THRB: variants seen among roughly 807,000 people sequenced by gnomAD.
THRB encodes thyroid hormone receptor beta.
In THRB, 12 loss-of-function variants were observed where a neutral mutation model predicts 47.8. The ratio of observed to expected loss-of-function variants is 0.25; its 90% CI spans 0.16 to 0.41. The LOEUF is 0.41. Among genes scored for constraint, THRB ranks in the 10% least tolerant of loss-of-function variants. THRB has a pLI of 1.00. For synonymous variants in THRB, 218 were observed against 212.2 expected, an observed-to-expected ratio of 1.03 and a Z score of -0.24; for missense variants, 348 against 589.2, an observed-to-expected ratio of 0.59 and a Z score of 4.24.
At position 24,305,215 on chromosome 3, in the gene THRB, C is replaced by T. The variant is rs913107955; in HGVS notation, c.-188-7844G>A. ...CATCAGCATCAGCATCATATGGGACCTTGTTAGAAAGGCAGATTATCTGTC... is the reference window on the plus strand; with the variant it reads ...CATCAGCATCAGCATCATATGGGACTTTGTTAGAAAGGCAGATTATCTGTC... On this transcript the variant is annotated intron_variant, in intron 2 of 10. Coordinates refer to ENST00000646209, the MANE Select transcript of THRB (RefSeq NM_001354712.2). Among the ~76,000 whole-genome samples, 22 of 152,256 alleles carry T rather than the reference C, an allele frequency of 1.4e-4. No homozygotes were observed. In the Middle Eastern group the frequency reaches 0.01, roughly 71 times the overall value.
intron 1 of THRB, among the ~76,000 whole-genome samples, chr3:24,414,437 C>T (rs754998891): frequency 6.6e-6 from 1 of 151,798 alleles, no homozygotes; most frequent in African/African-American, 2.4e-5. Flanking sequence ...GTGTTAAAAG[C>T]TCTACAATAC....
intron 2 of THRB, among the ~76,000 whole-genome samples, chr3:24,333,061 G>A (rs1403516010): frequency 6.6e-6 from 1 of 152,120 alleles, no homozygotes. Flanking sequence ...TCCAGCCTGG[G>A]TGACAGAGCG....
intron 3 of THRB, among the ~76,000 whole-genome samples, chr3:24,280,890 A>G (rs1168652795): frequency 1.3e-5 from 2 of 152,308 alleles, no homozygotes; most frequent in Non-Finnish European, 2.9e-5. Flanking sequence ...TTAGAGAAAA[A>G]GGAATAAAAA....
intron 1 of THRB, among the ~76,000 whole-genome samples, chr3:24,355,862 C>G (rs1346151327): frequency 6.6e-6 from 1 of 152,088 alleles, no homozygotes; most frequent in African/African-American, 2.4e-5. Flanking sequence ...CATGGAAACT[C>G]CTACAAATTA....
chr3:24,398,951 C>T (rs2067188089), intron 1 of THRB, among the ~76,000 whole-genome samples: 1 of 151,948 alleles, frequency 6.6e-6, no homozygotes, highest in African/African-American at 2.4e-5. Context: ...AGCTGGATAC[C>T]ATCATTCTCA....
chr3:24,322,006 T>A (rs1287759031), intron 2 of THRB, among the ~76,000 whole-genome samples: 1 of 152,096 alleles, frequency 6.6e-6, no homozygotes, highest in Non-Finnish European at 1.5e-5. Context: ...ATTACAGATG[T>A]GAGTTGGATT....
chr3:24,220,018 AT>A (rs972657193), intron 4 of THRB, among the ~76,000 whole-genome samples: 1 of 152,194 alleles, frequency 6.6e-6, no homozygotes, highest in Non-Finnish European at 1.5e-5. Flanking sequence ...AGACACTGGT[AT>A]TTTTTAACAG....
chr3:24,312,939 A>G (rs1173232225), intron 2 of THRB, among the ~76,000 whole-genome samples: 1 of 152,204 alleles, frequency 6.6e-6, no homozygotes, highest in African/African-American at 2.4e-5. Context: ...AAACATTTCA[A>G]AGGGAGGATG....
chr3:24,149,605 T>G (rs1282009806), intron 6 of THRB, among the ~76,000 whole-genome samples: 1 of 152,260 alleles, frequency 6.6e-6, no homozygotes, highest in Non-Finnish European at 1.5e-5. Context: ...GGCCTATCTC[T>G]GATGACTTGT....
At chr3:24,160,018 G>A (rs2038542987) in intron 5 of THRB, among the ~76,000 whole-genome samples, 1 of 152,200 alleles carries the variant, frequency 6.6e-6, no homozygotes, top group Non-Finnish European at 1.5e-5. Flanking sequence ...TGGGAGCGGG[G>A]GTGATGAGAG....
intron 5 of THRB, among the ~76,000 whole-genome samples, chr3:24,184,126 A>G (rs959978026): frequency 6.6e-6 from 1 of 152,228 alleles, no homozygotes; most frequent in Admixed American, 6.5e-5. Context: ...ATGCATGCTT[A>G]CTTTCAATAA....
chr3:24,222,674 T>G (rs140522480), intron 4 of THRB, among the ~76,000 whole-genome samples: 6 of 152,290 alleles, frequency 3.9e-5, no homozygotes, highest in Non-Finnish European at 7.4e-5. Context: ...GATGCTTCCT[T>G]TCTAGCCTAC....
intron 1 of THRB, among the ~76,000 whole-genome samples, chr3:24,489,829 A>C (rs528481562): frequency 2.7e-4 from 41 of 149,256 alleles, no homozygotes; most frequent in African/African-American, 9.8e-4. Context: ...ACTCCCCCCC[A>C]CTTGTTTAAA....
intron 1 of THRB, among the ~76,000 whole-genome samples, chr3:24,438,944 A>G (rs985325788): frequency 1.3e-5 from 2 of 152,186 alleles, no homozygotes; most frequent in Non-Finnish European, 2.9e-5. Flanking sequence ...CAGGCTCTTA[A>G]TGGAAACACA....
chr3:24,325,057 C>T (rs1505295), intron 2 of THRB, among the ~76,000 whole-genome samples: 3,405 of 152,292 alleles, frequency 0.022, 127 homozygotes, highest in African/African-American at 0.076. Flanking sequence ...TAAATTCTTG[C>T]TTCTTGCTTT....
At chr3:24,410,980 C>T (rs1011350661) in intron 1 of THRB, among the ~76,000 whole-genome samples, 4 of 151,766 alleles carry the variant, frequency 2.6e-5, no homozygotes, top group Admixed American at 2.6e-4. Flanking sequence ...TTTACTTGTC[C>T]AGGCTAAATG....
intron 1 of THRB, among the ~76,000 whole-genome samples, chr3:24,433,772 C>T (rs373937037): frequency 4.5e-4 from 68 of 152,192 alleles, no homozygotes; most frequent in South Asian, 2.1e-3. Context: ...GATTCAGCCT[C>T]GCAATTCAGT....
At chr3:24,132,681 T>C (rs2034053064) in intron 9 of THRB, among the ~76,000 whole-genome samples, 1 of 152,208 alleles carries the variant, frequency 6.6e-6, no homozygotes, top group Admixed American at 6.5e-5. Context: ...AGAACTCCGG[T>C]GGGACAGCTC....
rs1047290874 is a variant in THRB at position 24,302,583 on chromosome 3, T to C, written c.-188-5212A>G. On this transcript the variant is annotated intron_variant, in intron 2 of 10. Transcript: ENST00000646209. ...ACAGTTGTCTGCACAGCAGAATTTGTCACAAACCTCAAGTTTCTGCTCAAA... is the reference window on the plus strand; with the variant it reads ...ACAGTTGTCTGCACAGCAGAATTTGCCACAAACCTCAAGTTTCTGCTCAAA... 2.6e-5 allele frequency among the ~76,000 whole-genome samples: 4 copies of C among 152,352 alleles called. No homozygotes were observed. In the South Asian group the frequency reaches 8.3e-4, roughly 32 times the overall value.
Sources: gnomAD v4.1 joint callset for allele counts (sites outside exome capture counted in the v4.1 genomes callset) on GRCh38, gnomAD v4.1.1 for gene constraint, MANE v1.5 for transcripts, NCBI Gene and HGNC (gene_info 2026-07-23, HGNC 2026-07-21) for gene names.